Variants in RBMS1 observed in about 807,000 individuals in gnomAD.
RBMS1 encodes the protein RNA binding motif single stranded interacting protein 1, also known as RNA-binding motif, single-stranded-interacting protein 1.
In RBMS1, 17 loss-of-function variants were observed where a neutral mutation model predicts 62.3. The observed-to-expected ratio is 0.27, with a 90% CI of 0.19 to 0.41. The LOEUF (loss-of-function observed/expected upper bound fraction) is 0.41. RBMS1 is among the 10% of genes least tolerant of loss of function. The pLI, the probability that RBMS1 is intolerant of heterozygous loss-of-function variation, is 1.00. For missense variants in RBMS1, 334 were observed against 504.5 expected, an observed-to-expected ratio of 0.66 and a Z score of 3.24; for synonymous variants, 172 against 170.0, an observed-to-expected ratio of 1.01 and a Z score of -0.09.
rs1251502453 is a variant in RBMS1, at chr2:160,302,980, G to GA, written c.560+349dup. ...GATGAATCAAATTTCCATCGAATAA[G>GA]AAAAAACATACTGATTTATCTATTG... On this transcript the variant is annotated intron_variant, in intron 5 of 13. Transcript: ENST00000348849. Among the ~76,000 whole-genome samples, 5 of 152,196 alleles carry GA rather than the reference G, an allele frequency of 3.3e-5. No individual in the cohort carries two copies. The South Asian group carries it at 6.2e-4, about 19-fold the overall frequency.
At chr2:160,426,541 G>C (rs990786942) in intron 1 of RBMS1, among the ~76,000 whole-genome samples, 1 of 152,184 alleles carries the variant, frequency 6.6e-6, no homozygotes, top group African/African-American at 2.4e-5. Context: ...AAACTATCAT[G>C]TGACATACAT....
At chr2:160,431,081 C>T (rs1682876931) in intron 1 of RBMS1, among the ~76,000 whole-genome samples, 1 of 148,220 alleles carries the variant, frequency 6.7e-6, no homozygotes, top group African/African-American at 2.5e-5. Context: ...TTGTGTGTGG[C>T]AGGAGGAATG....
At chr2:160,474,134 T>G (rs1390978968) in intron 1 of RBMS1, among the ~76,000 whole-genome samples, 1 of 152,098 alleles carries the variant, frequency 6.6e-6, no homozygotes, top group Non-Finnish European at 1.5e-5. Context: ...TGGATATTAT[T>G]ATTCAAATTT....
chr2:160,482,511 G>C (rs771101885), intron 1 of RBMS1, among the ~76,000 whole-genome samples: 1 of 152,226 alleles, frequency 6.6e-6, no homozygotes, highest in Non-Finnish European at 1.5e-5. Context: ...ACCATGCCTG[G>C]ACAGTAAGTA....
At chr2:160,422,495 C>T (rs1034613071) in intron 1 of RBMS1, among the ~76,000 whole-genome samples, 8 of 152,104 alleles carry the variant, frequency 5.3e-5, no homozygotes, top group African/African-American at 1.9e-4. Context: ...TTTCATCAAT[C>T]CCCACACCAC....
chr2:160,283,518 T>C (rs1014804761), intron 9 of RBMS1: 12 of 152,194 alleles, frequency 7.9e-5, no homozygotes, highest in Non-Finnish European at 1.0e-4. Context: ...GAAAGGAGGC[T>C]GTAAGAGCCT....
chr2:160,311,815 G>A (rs1312656273), intron 4 of RBMS1, among the ~76,000 whole-genome samples: 1 of 152,108 alleles, frequency 6.6e-6, no homozygotes, highest in African/African-American at 2.4e-5. Context: ...GAAGAACTCA[G>A]GTTTTAAAAA....
chr2:160,427,071 C>T (rs1559538717), intron 1 of RBMS1, among the ~76,000 whole-genome samples: 1 of 152,136 alleles, frequency 6.6e-6, no homozygotes, highest in African/African-American at 2.4e-5. Flanking sequence ...AATTTGATAG[C>T]CTATGACTGA....
intron 1 of RBMS1, among the ~76,000 whole-genome samples, chr2:160,461,641 C>G (rs1684470033): frequency 1.3e-5 from 2 of 152,238 alleles, no homozygotes; most frequent in South Asian, 4.1e-4. Context: ...AGAAGATACC[C>G]CAGCTGGGCT....
chr2:160,375,648 C>T (rs1365012658), intron 1 of RBMS1, among the ~76,000 whole-genome samples: 2 of 152,144 alleles, frequency 1.3e-5, no homozygotes, highest in Non-Finnish European at 2.9e-5. Flanking sequence ...TCCAAAACCA[C>T]TTTAAAAGAA....
chr2:160,446,878 T>C (rs889902013), intron 1 of RBMS1, among the ~76,000 whole-genome samples: 1 of 152,176 alleles, frequency 6.6e-6, no homozygotes, highest in Non-Finnish European at 1.5e-5. Context: ...TGCCCTCTAC[T>C]GCCGCTGCAC....
chr2:160,479,314 A>T (rs1012107491), intron 1 of RBMS1, among the ~76,000 whole-genome samples: 1 of 152,258 alleles, frequency 6.6e-6, no homozygotes, highest in East Asian at 1.9e-4. Context: ...TACCCAGCTC[A>T]TCTACAACAG....
chr2:160,316,759 T>C (rs1247198634), intron 3 of RBMS1, among the ~76,000 whole-genome samples: 1 of 152,148 alleles, frequency 6.6e-6, no homozygotes, highest in Non-Finnish European at 1.5e-5. Flanking sequence ...AGATTTCTTT[T>C]GGGGTGGGGA....
intron 1 of RBMS1, among the ~76,000 whole-genome samples, chr2:160,467,310 A>G (rs1684737289): frequency 6.6e-6 from 1 of 152,194 alleles, no homozygotes; most frequent in Non-Finnish European, 1.5e-5. Flanking sequence ...ACAAAGGAGA[A>G]GAAAGTTCAT....
chr2:160,345,865 C>G (rs1692146528), intron 2 of RBMS1, among the ~76,000 whole-genome samples: 1 of 152,050 alleles, frequency 6.6e-6, no homozygotes, highest in Non-Finnish European at 1.5e-5. Context: ...AGATTTAAAA[C>G]TTAAAGAAGG....
chr2:160,489,628 T>C (rs570142997), intron 1 of RBMS1, among the ~76,000 whole-genome samples: 2 of 152,300 alleles, frequency 1.3e-5, no homozygotes, highest in African/African-American at 4.8e-5. Context: ...ATTTTCAGAT[T>C]CTGAAGCTAG....
intron 1 of RBMS1, among the ~76,000 whole-genome samples, chr2:160,429,825 T>C (rs1445896788): frequency 6.6e-6 from 1 of 152,212 alleles, no homozygotes; most frequent in Non-Finnish European, 1.5e-5. Flanking sequence ...CCCAATGTGA[T>C]TCTCTCCTCC....
intron 2 of RBMS1, among the ~76,000 whole-genome samples, chr2:160,349,297 T>G (rs1177933414): frequency 6.6e-6 from 1 of 152,202 alleles, no homozygotes; most frequent in Admixed American, 6.5e-5. Context: ...TAAAAGTATC[T>G]GATTATTTAC....
intron 4 of RBMS1, among the ~76,000 whole-genome samples, chr2:160,305,878 C>T (rs561208246): frequency 6.6e-6 from 1 of 152,212 alleles, no homozygotes; most frequent in East Asian, 1.9e-4. Flanking sequence ...CAGTGGCTCA[C>T]ACTTGCAATC....
Sources: gnomAD v4.1 joint callset for allele counts (sites outside exome capture counted in the v4.1 genomes callset) on GRCh38, gnomAD v4.1.1 for gene constraint, MANE v1.5 for transcripts, NCBI Gene and HGNC (gene_info 2026-07-23, HGNC 2026-07-21) for gene names.